The following CCDC38 variants were observed in gnomAD, a reference collection of about 807,000 sequenced individuals.
CCDC38 encodes coiled-coil domain-containing protein 38.
In CCDC38, 69 loss-of-function variants were observed where a neutral mutation model predicts 72.8. The observed-to-expected ratio is 0.95, with a 90% CI of 0.78 to 1.16. CCDC38 has a LOEUF of 1.16. CCDC38 is among the 50% of genes most tolerant of loss of function. The pLI, the probability that CCDC38 is intolerant of heterozygous loss-of-function variation, is 0.00. For missense variants in CCDC38, 626 were observed against 638.9 expected (o/e 0.98, Z 0.22); for synonymous variants, 201 against 213.2 (o/e 0.94, Z 0.50).
intron 4 of CCDC38, among the ~76,000 whole-genome samples, chr12:95,906,842 TATTGATC>T: frequency 6.8e-6 from 1 of 147,534 alleles, no homozygotes; most frequent in East Asian, 2.0e-4. Flanking sequence ...GTTTGTTTTT[TATTGATC>T]ATTCTTGGGT....
chr12:95,878,515 A>G (rs866446549), intron 12 of CCDC38, among the ~76,000 whole-genome samples, 169 bp from the exon 13 acceptor site: 5 of 152,200 alleles, frequency 3.3e-5, no homozygotes, highest in Middle Eastern at 3.2e-3. Flanking sequence ...TCAAGTTAAA[A>G]TGAGAAAAAT....
At chr12:95,922,350 C>T (rs1038122908) in intron 2 of CCDC38, among the ~76,000 whole-genome samples, 3 of 152,252 alleles carry the variant, frequency 2.0e-5, no homozygotes, top group Non-Finnish European at 2.9e-5. Context: ...ATACTCATAG[C>T]CTGGGGGAGG....
At chr12:95,938,312 T>A (rs2080414945) in intron 1 of CCDC38, among the ~76,000 whole-genome samples, 1 of 152,168 alleles carries the variant, frequency 6.6e-6, no homozygotes, top group African/African-American at 2.4e-5. Context: ...ACTAAAGATT[T>A]GTAGATTTTC....
At chr12:95,882,181 A>C (rs772649067) in intron 10 of CCDC38, among the ~76,000 whole-genome samples, 21 of 152,318 alleles carry the variant, frequency 1.4e-4, no homozygotes, top group Non-Finnish European at 2.2e-4. Flanking sequence ...AAGCAGGGAT[A>C]GGGAGAGAGT....
intron 15 of CCDC38, among the ~76,000 whole-genome samples, chr12:95,868,435 T>C (rs2079546674): frequency 6.6e-6 from 1 of 152,200 alleles, no homozygotes; most frequent in Non-Finnish European, 1.5e-5. Flanking sequence ...GTGAGGAAAG[T>C]CTTCATGGAA....
chr12:95,890,988 G>A, intron 8 of CCDC38, 58 bp from the exon 9 acceptor site: 3 of 930,446 alleles, frequency 3.2e-6, no homozygotes, highest in Non-Finnish European at 5.1e-6. Context: ...AAAAAACACT[G>A]CTGAGAAAGA....
intron 2 of CCDC38, among the ~76,000 whole-genome samples, chr12:95,923,521 A>G (rs1031180343): frequency 1.3e-5 from 2 of 151,550 alleles, no homozygotes; most frequent in Non-Finnish European, 2.9e-5. Flanking sequence ...ATTCTGCCCT[A>G]TCCCAAGTGT....
intron 1 of CCDC38, among the ~76,000 whole-genome samples, chr12:95,937,339 T>A (rs950589974): frequency 1.3e-5 from 2 of 152,190 alleles, no homozygotes; most frequent in Non-Finnish European, 2.9e-5. Flanking sequence ...CATTAATTTA[T>A]ATATTTAAAA....
chr12:95,935,751 A>T (rs1253287083), intron 2 of CCDC38, among the ~76,000 whole-genome samples: 1 of 152,190 alleles, frequency 6.6e-6, no homozygotes, highest in African/African-American at 2.4e-5. Context: ...TTCCTTATAT[A>T]CCAATAAATA....
At chr12:95,914,685 C>A (rs1478486925) in intron 4 of CCDC38, among the ~76,000 whole-genome samples, 1 of 152,096 alleles carries the variant, frequency 6.6e-6, no homozygotes, top group Non-Finnish European at 1.5e-5. Flanking sequence ...TTAAAAATAC[C>A]TTTTTGGAAT....
At chr12:95,922,740 G>C (rs1003708839) in intron 2 of CCDC38, among the ~76,000 whole-genome samples, 31 of 152,156 alleles carry the variant, frequency 2.0e-4, no homozygotes, top group Admixed American at 6.6e-5. Flanking sequence ...AACAGCTGAG[G>C]GTGGGTCCAG....
At chr12:95,942,214 G>A (rs1176568544) in intron 1 of CCDC38, among the ~76,000 whole-genome samples, 2 of 152,218 alleles carry the variant, frequency 1.3e-5, no homozygotes, top group African/African-American at 4.8e-5. Context: ...ATGAATAAAC[G>A]AAATCAAGTA....
intron 4 of CCDC38, among the ~76,000 whole-genome samples, chr12:95,909,056 A>G (rs1005200576): frequency 2.0e-5 from 3 of 152,212 alleles, no homozygotes; most frequent in Non-Finnish European, 4.4e-5. Flanking sequence ...TCAGAGCAGA[A>G]CTAAATGAAA....
At chr12:95,940,372 T>C (rs1021945070) in intron 1 of CCDC38, among the ~76,000 whole-genome samples, 17 of 152,186 alleles carry the variant, frequency 1.1e-4, no homozygotes, top group Admixed American at 9.8e-4. Context: ...CCTAAGTTTC[T>C]AAACCAACTC....
At chr12:95,936,573 A>G (rs1403372765) in intron 1 of CCDC38, 50 bp from the exon 2 acceptor site, 21 of 1,491,930 alleles carry the variant, frequency 1.4e-5, no homozygotes, top group African/African-American at 4.2e-5. Flanking sequence ...TGAACATCAT[A>G]TAAAAGGGCT....
At chr12:95,943,165 A>G (rs137966827), upstream of CCDC38, 934 of 496,352 alleles carry the variant, frequency 1.9e-3, 5 homozygotes, top group African/African-American at 0.017. Flanking sequence ...GGACAAGACG[A>G]CCAAAAAAGA....
intron 4 of CCDC38, among the ~76,000 whole-genome samples, chr12:95,908,008 G>T (rs929617870): frequency 1.4e-4 from 22 of 152,182 alleles, no homozygotes; most frequent in African/African-American, 4.6e-4. Context: ...GGGCGGCCAG[G>T]CAGAGACGCT....
intron 1 of CCDC38, among the ~76,000 whole-genome samples, chr12:95,940,626 G>A (rs148449885): frequency 3.6e-4 from 55 of 152,164 alleles, no homozygotes; most frequent in Non-Finnish European, 7.1e-4. Flanking sequence ...CTAGGAAAAG[G>A]GGCTGTGAAC....
chr12:95,935,307 T>C (rs904346807), intron 2 of CCDC38: 1 of 154,150 alleles, frequency 6.5e-6, no homozygotes, highest in African/African-American at 2.4e-5. Context: ...GAGTAGAGGC[T>C]ATGTTTCTCA....
Sources: allele counts gnomAD v4.1 joint callset (sites outside exome capture counted in the v4.1 genomes callset), GRCh38; gene constraint gnomAD v4.1.1; transcripts MANE v1.5; gene names NCBI Gene and HGNC (gene_info 2026-07-23, HGNC 2026-07-21).